CHMP4C: variants seen among roughly 807,000 people sequenced by gnomAD.
The protein encoded by CHMP4C is charged multivesicular body protein 4C, also known as SNF7 homolog associated with Alix 3.
CHMP4C carries 28 observed loss-of-function variants against 29.0 expected under a neutral mutation model. That is an observed-to-expected ratio of 0.97 (90% CI 0.72 to 1.32). The LOEUF (loss-of-function observed/expected upper bound fraction) is 1.32. Among genes scored for constraint, CHMP4C ranks in the 40% most tolerant of loss-of-function variants. CHMP4C has a pLI of 0.00. For synonymous variants in CHMP4C, 106 were observed against 102.4 expected (o/e 1.04, Z -0.21); for missense variants, 291 against 281.0 (o/e 1.04, Z -0.25).
intron 1 of CHMP4C, among the ~76,000 whole-genome samples, chr8:81,743,894 C>G (rs900793895): frequency 6.6e-6 from 1 of 152,124 alleles, no homozygotes; most frequent in African/African-American, 2.4e-5. Flanking sequence ...GATCAGCCAG[C>G]CTATTTTTCT....
intron 1 of CHMP4C, among the ~76,000 whole-genome samples, chr8:81,744,836 G>T (rs1339064165): frequency 6.6e-6 from 1 of 152,084 alleles, no homozygotes; most frequent in South Asian, 2.1e-4. Flanking sequence ...ACAGTGCCAG[G>T]CATGTCATAG....
chr8:81,742,520 T>A (rs1263097208), intron 1 of CHMP4C, among the ~76,000 whole-genome samples: 1 of 152,212 alleles, frequency 6.6e-6, no homozygotes, highest in East Asian at 1.9e-4. Context: ...ATTTAAGAAG[T>A]ACTTTGGACA....
chr8:81,735,037 G>A (rs1424244504), intron 1 of CHMP4C, among the ~76,000 whole-genome samples: 1 of 152,022 alleles, frequency 6.6e-6, no homozygotes, highest in Non-Finnish European at 1.5e-5. Flanking sequence ...GGGATTACAG[G>A]CGTGCACCAC....
chr8:81,739,006 C>A (rs7828550), intron 1 of CHMP4C, among the ~76,000 whole-genome samples: 1 of 151,706 alleles, frequency 6.6e-6, no homozygotes, highest in Non-Finnish European at 1.5e-5. Flanking sequence ...CTCACCCATT[C>A]GTACTTTTTC....
At chr8:81,753,556 T>G (rs1401122154) in intron 2 of CHMP4C, among the ~76,000 whole-genome samples, 1 of 152,094 alleles carries the variant, frequency 6.6e-6, no homozygotes, top group East Asian at 1.9e-4. Flanking sequence ...GGGTGTTGGA[T>G]TTATAGGATA....
rs1184185039 is a variant in CHMP4C, at chr8:81,758,228, C to T, written c.570C>T (p.Ser190=). The change falls in exon 4 of 5, where the codon TCC becomes TCT. Residue 190 remains serine, a synonymous_variant. Transcript: ENST00000297265. ...ATATCCGCCTTCCAAATGTGCCTTC[C>T]TCTTCTCTCCCAGCACAGCCAAATA... ...MTNIRLPNVP[S]SSLPAQPNRK... 3.1e-6 allele frequency: 5 copies of T among 1,613,784 alleles called. No individual in the cohort carries two copies. Among genetic ancestry groups the T allele is most frequent in the Non-Finnish European group, 4.2e-6 (5 of 1,179,924 alleles).
chr8:81,745,018 T>C (rs1257657299), intron 1 of CHMP4C, among the ~76,000 whole-genome samples: 3 of 152,224 alleles, frequency 2.0e-5, no homozygotes, highest in African/African-American at 7.2e-5. Flanking sequence ...AGATATATTT[T>C]GTTTTTTTTC....
intron 1 of CHMP4C, among the ~76,000 whole-genome samples, chr8:81,739,466 C>T (rs938703882): frequency 4.8e-5 from 7 of 145,580 alleles, no homozygotes; most frequent in African/African-American, 1.8e-4. Context: ...GCATTAACAA[C>T]CAATACCTAG....
At chr8:81,741,397 T>G (rs1232525607) in intron 1 of CHMP4C, among the ~76,000 whole-genome samples, 1 of 152,166 alleles carries the variant, frequency 6.6e-6, no homozygotes, top group African/African-American at 2.4e-5. Context: ...TCATAGGATT[T>G]ACACAGTTAC....
intron 2 of CHMP4C, among the ~76,000 whole-genome samples, chr8:81,755,165 TTTAC>T (rs1808955683): frequency 6.6e-6 from 1 of 152,154 alleles, no homozygotes; most frequent in Non-Finnish European, 1.5e-5. Flanking sequence ...GTAATAGGTA[TTTAC>T]TTAATGTTTA....
At chr8:81,756,206 T>C (rs917393014) in intron 3 of CHMP4C, among the ~76,000 whole-genome samples, 1 of 152,178 alleles carries the variant, frequency 6.6e-6, no homozygotes, top group African/African-American at 2.4e-5. Context: ...CTTTTAAAAA[T>C]GGTGTAGACA....
At chr8:81,749,031 G>T (rs1414218901) in intron 1 of CHMP4C, among the ~76,000 whole-genome samples, 1 of 151,860 alleles carries the variant, frequency 6.6e-6, no homozygotes, top group African/African-American at 2.4e-5. Flanking sequence ...ACTATATAAG[G>T]TGTTTTCCAT....
chr8:81,756,374 T>A (rs1009339660), intron 3 of CHMP4C, among the ~76,000 whole-genome samples: 1 of 152,206 alleles, frequency 6.6e-6, no homozygotes, highest in East Asian at 1.9e-4. Flanking sequence ...CTGCAAATCC[T>A]GCAATATTAC....
chr8:81,758,222 G>T lies in CHMP4C; in HGVS notation c.564G>T (p.Val188=). The T allele has an allele frequency of 1.9e-6, 3 of 1,613,946 alleles. No individual in the cohort carries two copies. The highest frequency in any genetic ancestry group is 2.2e-5 in the East Asian group (1 of 44,872). ...TGACAAATATCCGCCTTCCAAATGT[G>T]CCTTCCTCTTCTCTCCCAGCACAGC... ...KKMTNIRLPN[V]PSSSLPAQPN... Residue 188 remains valine, a synonymous_variant, in exon 4 of 5, where the codon GTG becomes GTT. Coordinates refer to ENST00000297265, the MANE Select transcript of CHMP4C (RefSeq NM_152284.4).
intron 1 of CHMP4C, among the ~76,000 whole-genome samples, chr8:81,751,199 C>G (rs1006266769): frequency 6.6e-6 from 1 of 151,792 alleles, no homozygotes; most frequent in Non-Finnish European, 1.5e-5. Flanking sequence ...AAGTTTTACT[C>G]CAGTAAAATA....
At chr8:81,742,934 T>C (rs1208740104) in intron 1 of CHMP4C, among the ~76,000 whole-genome samples, 1 of 152,196 alleles carries the variant, frequency 6.6e-6, no homozygotes, top group South Asian at 2.1e-4. Context: ...TACTTGTATT[T>C]GAAAACATTA....
In CHMP4C at chr8:81,732,631, G is replaced by A; in HGVS notation, c.5G>A (p.Ser2Asn). 2 of 1,549,194 alleles carry A rather than the reference G, an allele frequency of 1.3e-6. No individual in the cohort carries two copies. The highest frequency in any genetic ancestry group is 2.4e-5 in the East Asian group (1 of 41,380). Residue 2 changes from serine (S) to asparagine (N), a missense_variant, in exon 1 of 5, where the codon AGC becomes AAC. Physicochemically the swap from Ser to Asn is conservative, Grantham distance 46. Coordinates refer to ENST00000297265, the MANE Select transcript of CHMP4C (RefSeq NM_152284.4). ...GGCCCTCCGAACTCCACAGCAATGA[G>A]CAAGTTGGGCAAGTTCTTTAAAGGG... is the stretch of plus-strand genomic sequence containing the variant. The part of the protein sequence containing the change: M[S>N]KLGKFFKGGG...
chr8:81,742,293 C>T (rs1006476070), intron 1 of CHMP4C, among the ~76,000 whole-genome samples: 5 of 151,952 alleles, frequency 3.3e-5, no homozygotes, highest in African/African-American at 9.7e-5. Context: ...CAAACAAGCC[C>T]CAAAAAAGCA....
chr8:81,738,521 A>T (rs1360955101), intron 1 of CHMP4C, among the ~76,000 whole-genome samples: 1 of 152,194 alleles, frequency 6.6e-6, no homozygotes, highest in African/African-American at 2.4e-5. Flanking sequence ...CTCTTAGTTC[A>T]GTGGGAAGAA....
Sources: gnomAD v4.1 joint callset for allele counts (sites outside exome capture counted in the v4.1 genomes callset) on GRCh38, gnomAD v4.1.1 for gene constraint, MANE v1.5 for transcripts, NCBI Gene and HGNC (gene_info 2026-07-23, HGNC 2026-07-21) for gene names.